Variants in GPR137 observed in about 807,000 individuals in gnomAD.
GPR137 encodes the protein G protein-coupled receptor 137, also known as integral membrane protein GPR137.
In GPR137, 20 loss-of-function variants were observed where a neutral mutation model predicts 38.9. The ratio of observed to expected loss-of-function variants is 0.51; its 90% CI spans 0.36 to 0.75. GPR137 has a LOEUF of 0.75. GPR137 is among the 30% of genes least tolerant of loss of function. The probability of loss-of-function intolerance (pLI) is 0.00; values close to 1 mark genes in which losing one functional copy is unlikely to be tolerated. For synonymous variants in GPR137, 226 were observed against 235.8 expected (o/e 0.96, Z 0.38); for missense variants, 456 against 526.4 (o/e 0.87, Z 1.31).
chr11:64,278,330 T>C (rs2033204175), intron 2 of GPR137, among the ~76,000 whole-genome samples: 1 of 150,986 alleles, frequency 6.6e-6, no homozygotes, highest in Admixed American at 6.6e-5. Context: ...ACCACTGCAC[T>C]CCAGCCTGGG....
chr11:64,275,957 C>T (rs2033025983), intron 1 of GPR137, among the ~76,000 whole-genome samples: 1 of 152,022 alleles, frequency 6.6e-6, no homozygotes. Context: ...AGGCAGAGAG[C>T]ATAGGTAACT....
In GPR137 at chr11:64,287,641, G is replaced by A. The variant is rs1234547243; in HGVS notation, c.408-80G>A. On this transcript the variant is annotated intron_variant, in intron 2 of 6. Coordinates refer to ENST00000438980, the MANE Select transcript of GPR137 (RefSeq NM_001170880.2). ...GGATGCCCTGAGTTTTGTCGACATT[G>A]GGGTTTCCTGCAGGAGGTGGGGCAG... is the stretch of plus-strand genomic sequence containing the variant. 1.9e-6 allele frequency: 3 copies of A among 1,584,558 alleles called. No homozygotes were observed. In the African/African-American group the frequency reaches 4.0e-5, roughly 21 times the overall value.
chr11:64,277,909 T>C (rs1363859576), intron 2 of GPR137, among the ~76,000 whole-genome samples: 1 of 152,230 alleles, frequency 6.6e-6, no homozygotes, highest in East Asian at 1.9e-4. Flanking sequence ...TGTGTTCCAC[T>C]AACACTTTCT....
chr11:64,275,045 G>A (rs906743257), upstream of GPR137, among the ~76,000 whole-genome samples: 3 of 148,196 alleles, frequency 2.0e-5, no homozygotes, highest in Admixed American at 6.8e-5. Context: ...GACGGAATCC[G>A]GAAAGGCCTA....
intron 1 of GPR137, chr11:64,276,298 TTG>T (rs1555068869): frequency 6.8e-6 from 1 of 146,068 alleles, no homozygotes; most frequent in African/African-American, 2.6e-5. Context: ...GTGTATATAT[TTG>T]TGTGTGTGTG....
Position 64,289,417 on chromosome 11 carries a change from C to T in GPR137, c.*221C>T, listed in dbSNP as rs2034540948. On this transcript the variant is annotated 3_prime_UTR_variant, in exon 7 of 7. Transcript: ENST00000438980. Reference sequence around the variant, plus strand: ...GATGCCCACAGCACCCTGGCATGACCTGCCACCTCTGCTTCCACACCGGAG... The same window carrying T: ...GATGCCCACAGCACCCTGGCATGACTTGCCACCTCTGCTTCCACACCGGAG... 6.5e-7 allele frequency: 1 copy of T among 1,527,626 alleles called. No homozygotes were observed. Among genetic ancestry groups the T allele is most frequent in the African/African-American group, 1.4e-5 (1 of 72,228 alleles). The allele number at this position is 1,527,626 out of a possible 1,614,324, so 94.6% of individuals were successfully genotyped here.
At position 64,288,635 on chromosome 11, in the gene GPR137, T is replaced by C. The variant is rs1017595138; in HGVS notation, c.945T>C (p.Phe315=). Residue 315 remains phenylalanine, a synonymous_variant, in exon 6 of 7, where the codon TTT becomes TTC. Transcript: ENST00000438980. The surrounding 1 kb of genome is among the most constrained non-coding windows in gnomAD (Gnocchi z 5.5). ...STSHILNGQV[F]ASRSYFFDRA... ...GCCACATCCTCAATGGGCAGGTCTT[T>C]GCCTCTCGGTCCTACTTCTTTGACC... 1.9e-6 allele frequency: 3 copies of C among 1,611,778 alleles called. No homozygotes were observed. Among genetic ancestry groups the C allele is most frequent in the Admixed American group, 3.3e-5 (2 of 59,718 alleles).
upstream of GPR137, chr11:64,271,850 C>T: frequency 1.5e-6 from 2 of 1,327,170 alleles, no homozygotes; most frequent in African/African-American, 3.0e-5. Flanking sequence ...CTCAGCTCCT[C>T]TAAGCCCCTG....
chr11:64,271,296 TCACACACACACACACA>T (rs1176064923), upstream of GPR137, among the ~76,000 whole-genome samples: 3 of 2,262 alleles, frequency 1.3e-3, no homozygotes, highest in African/African-American at 4.9e-3. Flanking sequence ...CCTGTGACTC[TCACACACACACACACA>T]CACACACACA....
chr11:64,287,186 C>T (rs1015636651), intron 2 of GPR137, 172 bp downstream of exon 2: 2 of 985,112 alleles, frequency 2.0e-6, no homozygotes, highest in Admixed American at 6.1e-5. Context: ...AGAGGCCTTG[C>T]AGATCTGCAA....
At chr11:64,280,136 T>C (rs1339833009), upstream of GPR137, among the ~76,000 whole-genome samples, 1 of 151,200 alleles carries the variant, frequency 6.6e-6, no homozygotes, top group Non-Finnish European at 1.5e-5. Context: ...GCTAACATGG[T>C]GAAACCCCAT....
upstream of GPR137, among the ~76,000 whole-genome samples, chr11:64,273,186 ACT>A (rs1220585610): frequency 6.6e-6 from 1 of 152,078 alleles, no homozygotes; most frequent in East Asian, 2.0e-4. Context: ...CTGGCCTCAA[ACT>A]CTGGTGAAAC....
upstream of GPR137, among the ~76,000 whole-genome samples, chr11:64,274,716 G>A (rs2032922454): frequency 1.3e-5 from 2 of 152,056 alleles, no homozygotes; most frequent in Admixed American, 1.3e-4. Context: ...AGCTACTCAG[G>A]AGGCTGAGGC....
Position 64,286,056 on chromosome 11 carries a change from G to A in GPR137, c.-469G>A. 2.0e-6 allele frequency: 2 copies of A among 988,856 alleles called. No homozygotes were observed. The highest frequency in any genetic ancestry group is 2.4e-6 in the Non-Finnish European group (2 of 832,142). The allele number at this position is 988,856 out of a possible 1,614,324, so 61.3% of individuals were successfully genotyped here. A position where few individuals can be genotyped will look rare whatever the true frequency, so the allele number is the denominator to read the frequency against. On this transcript the variant is annotated 5_prime_UTR_variant, in exon 1 of 7. Coordinates refer to ENST00000438980, the MANE Select transcript of GPR137 (RefSeq NM_001170880.2). ...TCCCCATCCGCATTATTGGAGGAGA[G>A]AGAGCCTCCCCCAGCTTGGGGAGGG... is the stretch of plus-strand genomic sequence containing the variant.
chr11:64,283,222 A>G (rs2033606702), upstream of GPR137, among the ~76,000 whole-genome samples: 1 of 152,206 alleles, frequency 6.6e-6, no homozygotes, highest in South Asian at 2.1e-4. Context: ...CCAGAGTGAC[A>G]TGACCTAGTT....
chr11:64,286,485 C>T lies in GPR137; in HGVS notation c.-40C>T, dbSNP rs143661738. On this transcript the variant is annotated 5_prime_UTR_variant, in exon 1 of 7. Transcript: ENST00000438980. ...ATTTCCCTGGTCCCGCCGACAGTCC[C>T]TCCTTGTCTGTCTCCGGGATTCAGG... The T allele has an allele frequency of 6.3e-7, 1 of 1,583,048 alleles. No homozygotes were observed. Among genetic ancestry groups the T allele is most frequent in the Non-Finnish European group, 8.6e-7 (1 of 1,163,072 alleles).
At chr11:64,287,036 G>A in intron 2 of GPR137, 22 bp downstream of exon 2, 1 of 1,610,952 alleles carries the variant, frequency 6.2e-7, no homozygotes, top group Non-Finnish European at 8.5e-7. Context: ...GGACACTGGT[G>A]GGCTCAGCCT....
upstream of GPR137, chr11:64,271,572 C>T (rs772701113): frequency 2.5e-5 from 34 of 1,373,908 alleles, no homozygotes; most frequent in South Asian, 2.1e-4. Flanking sequence ...GGGGGGCGGC[C>T]TGGTACTTCA....
rs765445407 is a variant in GPR137 at position 64,288,153 on chromosome 11, C to T, written c.722C>T (p.Ala241Val). The T allele has an allele frequency of 9.9e-6, 16 of 1,612,978 alleles. No homozygotes were observed. Among genetic ancestry groups the T allele is most frequent in the South Asian group, 5.5e-5 (5 of 91,094 alleles). ...SRACYNLTAL[A>V]LAPQSRLDTF... ...GCCTGCTACAACCTGACAGCACTGG[C>T]CTTGGCCCCCCAGAGCCGGCTGGAC... Residue 241 changes from alanine to valine, a missense_variant, in exon 4 of 7, where the codon GCC (alanine) becomes GTC (valine). By Grantham distance (64) the Ala-to-Val change is moderately conservative (BLOSUM62 0). Coordinates refer to ENST00000438980, the MANE Select transcript of GPR137 (RefSeq NM_001170880.2). This position sits in a 1 kb window ranked among gnomAD's most constrained non-coding sequence, Gnocchi z 5.5.
Sources: allele counts gnomAD v4.1 joint callset (sites outside exome capture counted in the v4.1 genomes callset), GRCh38; gene constraint gnomAD v4.1.1; non-coding constraint Gnocchi (gnomAD v3.1); transcripts MANE v1.5; gene names NCBI Gene and HGNC (gene_info 2026-07-23, HGNC 2026-07-21).